The following WNK1 variants were observed in gnomAD, a reference collection of about 807,000 sequenced individuals.
WNK1 encodes the protein WNK lysine deficient protein kinase 1.
In WNK1, 38 loss-of-function variants were observed where a neutral mutation model predicts 222.8. The observed-to-expected ratio is 0.17, with a 90% CI of 0.13 to 0.22. WNK1 has a LOEUF of 0.22. WNK1 is among the 10% of genes least tolerant of loss of function. The pLI, the probability that WNK1 is intolerant of heterozygous loss-of-function variation, is 1.00. For missense variants in WNK1, 2,348 were observed against 2,918.4 expected, an observed-to-expected ratio of 0.80 and a Z score of 4.50; for synonymous variants, 1,090 against 1,092.9, an observed-to-expected ratio of 1.00 and a Z score of 0.05.
intron 25 of WNK1, among the ~76,000 whole-genome samples, chr12:899,029 C>G (rs932320445): frequency 6.6e-6 from 1 of 152,092 alleles, no homozygotes; most frequent in African/African-American, 2.4e-5. Flanking sequence ...CGTGAGCCAC[C>G]GTGCCCGGCC....
At chr12:893,880 G>T (rs988014597) in intron 22 of WNK1, among the ~76,000 whole-genome samples, 6 of 137,802 alleles carry the variant, frequency 4.4e-5, no homozygotes, top group Non-Finnish European at 9.7e-5. Flanking sequence ...TCTAGAATTT[G>T]CCAGTGTTAC....
At position 810,850 on chromosome 12, in the gene WNK1, A is replaced by G. The variant is rs372400200; in HGVS notation, c.760-2792A>G. On this transcript the variant is annotated intron_variant, in intron 1 of 27. Coordinates refer to ENST00000315939, the MANE Select transcript of WNK1 (RefSeq NM_018979.4). ...TAATTTGGGTAGTACTGAGATGAGCAATTGTTTTAGTTGTTGCCTGACCCC... is the reference window on the plus strand; with the variant it reads ...TAATTTGGGTAGTACTGAGATGAGCGATTGTTTTAGTTGTTGCCTGACCCC... Among the ~76,000 whole-genome samples, 164 of 152,286 alleles carry G rather than the reference A, an allele frequency of 1.1e-3. 5 individuals are homozygous for G. The South Asian group carries it at 0.032, about 30-fold the overall frequency.
At chr12:878,382 T>TG (rs398116010) in intron 10 of WNK1, 21 bp downstream of exon 10, 107 of 1,597,206 alleles carry the variant, frequency 6.7e-5, no homozygotes, top group Non-Finnish European at 8.5e-5. Flanking sequence ...TTTTTTTTTT[T>TG]AAACAGGTAA....
intron 1 of WNK1, among the ~76,000 whole-genome samples, chr12:754,668 T>A (rs1365280651): frequency 6.6e-6 from 1 of 152,170 alleles, no homozygotes; most frequent in Non-Finnish European, 1.5e-5. Context: ...TGCATTTCAA[T>A]CTCATCAAAG....
chr12:779,397 G>GTTTTTTTTTTTCTTTTTT, intron 1 of WNK1, among the ~76,000 whole-genome samples: 1 of 124,268 alleles, frequency 8.0e-6, no homozygotes, highest in South Asian at 2.3e-4. Context: ...TTTCTTTTCT[G>GTTTTTTTTTTTCTTTTTT]TTTTTTTTTT....
intron 8 of WNK1, chr12:868,148 A>G: frequency 6.2e-7 from 1 of 1,614,066 alleles, no homozygotes; most frequent in Middle Eastern, 1.6e-4. Context: ...TACAGCCAGT[A>G]GAGTAACTGG....
intron 22 of WNK1, among the ~76,000 whole-genome samples, chr12:892,007 A>G (rs1474613777): frequency 6.7e-6 from 1 of 148,258 alleles, no homozygotes; most frequent in Non-Finnish European, 1.5e-5. Flanking sequence ...TCTTATTACT[A>G]TTATTTCAGA....
intron 1 of WNK1, among the ~76,000 whole-genome samples, chr12:799,634 G>T (rs934699641): frequency 3.3e-5 from 5 of 152,156 alleles, no homozygotes; most frequent in African/African-American, 1.2e-4. Flanking sequence ...TTGAGACCAA[G>T]AATTCAGGGC....
At chr12:787,356 A>G (rs1944409658) in intron 1 of WNK1, among the ~76,000 whole-genome samples, 1 of 152,084 alleles carries the variant, frequency 6.6e-6, no homozygotes, top group South Asian at 2.1e-4. Context: ...GGCTCAAGTG[A>G]TCCTCCTGCC....
At chr12:829,243 T>G (rs1233181945) in intron 3 of WNK1, among the ~76,000 whole-genome samples, 1 of 152,198 alleles carries the variant, frequency 6.6e-6, no homozygotes, top group Non-Finnish European at 1.5e-5. Context: ...TCACACACTG[T>G]GCTCATAAAT....
chr12:787,674 C>T (rs901742649), intron 1 of WNK1, among the ~76,000 whole-genome samples: 2 of 152,122 alleles, frequency 1.3e-5, no homozygotes, highest in African/African-American at 4.8e-5. Flanking sequence ...TATTCTTACA[C>T]ACTTTAATGT....
chr12:908,761 A>AC lies in WNK1; in HGVS notation c.7124dup (p.Gly2376ArgfsTer16). On this transcript the variant is annotated frameshift_variant, in exon 28 of 28. Transcript: ENST00000315939. LOFTEE classifies it high-confidence loss of function. ...AGCAATTTGCAGAAATCCATCAGCAACCCCCCAGGCTCCAACCTGCGGACC... is the reference window on the plus strand; with the variant it reads ...AGCAATTTGCAGAAATCCATCAGCAACCCCCCCAGGCTCCAACCTGCGGACC... The AC allele has an allele frequency of 7.4e-7, 1 of 1,353,276 alleles. No individual in the cohort carries two copies. The highest frequency in any genetic ancestry group is 9.8e-7 in the Non-Finnish European group (1 of 1,024,856). 83.8% of individuals were successfully genotyped at this position (1,353,276 alleles called of 1,614,324 possible).
intron 26 of WNK1, chr12:906,777 C>T (rs1358595975): frequency 2.1e-5 from 21 of 983,276 alleles, no homozygotes; most frequent in Non-Finnish European, 2.4e-5. Context: ...TGGTGGCTCA[C>T]ACCTGTAATC....
intron 9 of WNK1, among the ~76,000 whole-genome samples, chr12:876,366 G>A (rs1026053954): frequency 3.3e-5 from 5 of 152,026 alleles, no homozygotes; most frequent in East Asian, 1.9e-4. Flanking sequence ...CCAAGATCGC[G>A]CCACTGCACT....
chr12:856,955 C>A (rs1950838871), intron 4 of WNK1, among the ~76,000 whole-genome samples: 1 of 152,080 alleles, frequency 6.6e-6, no homozygotes, highest in South Asian at 2.1e-4. Context: ...AAGTAAGTGA[C>A]CCTGCTGTCA....
chr12:822,567 C>G (rs370322616), intron 2 of WNK1, among the ~76,000 whole-genome samples: 1 of 152,064 alleles, frequency 6.6e-6, no homozygotes, highest in East Asian at 1.9e-4. Context: ...TTGAGGATCA[C>G]AATTAACATC....
At chr12:833,740 C>T (rs1383818955) in intron 4 of WNK1, among the ~76,000 whole-genome samples, 1 of 152,030 alleles carries the variant, frequency 6.6e-6, no homozygotes, top group Non-Finnish European at 1.5e-5. Context: ...GCTTTATATT[C>T]CTTAAAATAT....
At chr12:906,925 A>AG in intron 26 of WNK1, 2 of 197,044 alleles carry the variant, frequency 1.0e-5, no homozygotes, top group Non-Finnish European at 1.8e-5. Flanking sequence ...GTCCCAAGCT[A>AG]CTTGGGAGGC....
chr12:908,602 T>C lies in WNK1; in HGVS notation c.6959T>C (p.Met2320Thr), dbSNP rs371290073. 1 of 1,614,196 alleles carries C rather than the reference T, an allele frequency of 6.2e-7. No individual in the cohort carries two copies. Among genetic ancestry groups the C allele is most frequent in the East Asian group, 2.2e-5 (1 of 44,884 alleles). The change falls in exon 28 of 28, where the codon ATG (methionine) becomes ACG (threonine). Residue 2320 changes from methionine (M) to threonine (T), a missense_variant. Transcript: ENST00000315939. ...ATSLGHFTKS[M>T]CPPQQYGFPA... ...TCTCTAGGTCACTTCACCAAGTCTA[T>C]GTGCCCCCCACAGCAGTATGGCTTT...
Sources: gnomAD v4.1 joint callset for allele counts (sites outside exome capture counted in the v4.1 genomes callset) on GRCh38, gnomAD v4.1.1 for gene constraint, MANE v1.5 for transcripts, NCBI Gene and HGNC (gene_info 2026-07-23, HGNC 2026-07-21) for gene names.